Variants in SHC4 observed in about 807,000 individuals in gnomAD.
The protein encoded by SHC4 is SHC-transforming protein 4.
In SHC4, 41 loss-of-function variants were observed where a neutral mutation model predicts 69.4. The observed-to-expected ratio is 0.59, with a 90% confidence interval of 0.46 to 0.77. SHC4 has a LOEUF of 0.77. Ranked by LOEUF, SHC4 falls within the 30% of genes least tolerant of loss-of-function variation. The probability of loss-of-function intolerance (pLI) is 0.00; values close to 1 mark genes in which losing one functional copy is unlikely to be tolerated. For missense variants in SHC4, 777 were observed against 783.8 expected (o/e 0.99, Z 0.10); for synonymous variants, 318 against 299.3 (o/e 1.06, Z -0.64).
At chr15:48,949,286 G>T (rs529470206) in intron 1 of SHC4, among the ~76,000 whole-genome samples, 1 of 151,282 alleles carries the variant, frequency 6.6e-6, no homozygotes, top group Non-Finnish European at 1.5e-5. Flanking sequence ...CAGGAGACTG[G>T]CATTAATCCA....
chr15:48,858,406 C>T (rs1329732845), intron 6 of SHC4, among the ~76,000 whole-genome samples: 1 of 152,134 alleles, frequency 6.6e-6, no homozygotes, highest in African/African-American at 2.4e-5. Context: ...AAAAAAGTGT[C>T]TTCAATAAGC....
intron 3 of SHC4, among the ~76,000 whole-genome samples, chr15:48,889,779 G>A (rs965564617): frequency 1.3e-5 from 2 of 152,128 alleles, no homozygotes; most frequent in African/African-American, 4.8e-5. Context: ...GGGAGGCGGA[G>A]CTTGCAGTGA....
chr15:48,926,304 T>A (rs1419911285), intron 1 of SHC4, among the ~76,000 whole-genome samples: 1 of 152,100 alleles, frequency 6.6e-6, no homozygotes, highest in African/African-American at 2.4e-5. Flanking sequence ...TTGAAAGTGA[T>A]CTGTTGTCTC....
At chr15:48,950,021 T>C (rs1376455443) in intron 1 of SHC4, among the ~76,000 whole-genome samples, 2 of 141,996 alleles carry the variant, frequency 1.4e-5, no homozygotes, top group Non-Finnish European at 3.0e-5. Context: ...ATATTTATTA[T>C]TAATAAATAA....
chr15:48,926,213 TC>T (rs199876991), intron 1 of SHC4, among the ~76,000 whole-genome samples: 3,025 of 152,258 alleles, frequency 0.02, 35 homozygotes, highest in Non-Finnish European at 0.03. Context: ...GAGTCAATCC[TC>T]CCAGAAGAGC....
At chr15:48,910,038 T>C (rs538520363) in intron 2 of SHC4, among the ~76,000 whole-genome samples, 1 of 152,218 alleles carries the variant, frequency 6.6e-6, no homozygotes, top group African/African-American at 2.4e-5. Flanking sequence ...TGTCCTTTTC[T>C]GGTTTTGGTA....
chr15:48,852,462 T>C (rs1264555628), intron 8 of SHC4, among the ~76,000 whole-genome samples: 2 of 152,212 alleles, frequency 1.3e-5, no homozygotes, highest in African/African-American at 4.8e-5. Context: ...CATTGTATAA[T>C]TCTTTCAAAT....
intron 6 of SHC4, 135 bp from the exon 7 acceptor site, chr15:48,857,950 T>A: frequency 1.8e-6 from 1 of 566,464 alleles, no homozygotes; most frequent in Non-Finnish European, 2.6e-6. Context: ...TCTGCAGCCA[T>A]GAAATGATAT....
chr15:48,945,902 G>A (rs1901268334), intron 1 of SHC4: 1 of 152,058 alleles, frequency 6.6e-6, no homozygotes, highest in Admixed American at 6.6e-5. Flanking sequence ...ATAAACCATA[G>A]ATCTAGAAAA....
intron 2 of SHC4, among the ~76,000 whole-genome samples, chr15:48,911,333 T>A (rs549757772): frequency 6.6e-6 from 1 of 152,346 alleles, no homozygotes; most frequent in Non-Finnish European, 1.5e-5. Context: ...TCATTGTCTC[T>A]TTTACTGATG....
intron 11 of SHC4, among the ~76,000 whole-genome samples, chr15:48,827,200 G>A (rs1054211857): frequency 6.6e-6 from 1 of 152,152 alleles, no homozygotes; most frequent in Admixed American, 6.5e-5. Context: ...GATTCTTGGA[G>A]TTCTGTCTAG....
In SHC4 at chr15:48,867,856, T is replaced by A; in HGVS notation, c.908A>T (p.Tyr303Phe). The change falls in exon 6 of 12, where the codon TAT becomes TTT. Residue 303 changes from tyrosine to phenylalanine, a missense_variant. Tyr to Phe is a conservative substitution (Grantham distance 22). Transcript: ENST00000332408. ...ASGGDPDTTD[Y>F]VAYVAKDPVN... ...TGGATCTTTAGCTACGTAGGCAACA[T>A]AGTCTGTAGTATCCTATAAAAAAGG... is the stretch of plus-strand genomic sequence containing the variant. The A allele has an allele frequency of 6.2e-7, 1 of 1,613,334 alleles. No homozygotes were observed. The highest frequency in any genetic ancestry group is 8.5e-7 in the Non-Finnish European group (1 of 1,179,464).
At chr15:48,829,609 C>T (rs577153209) in intron 11 of SHC4, among the ~76,000 whole-genome samples, 1 of 152,272 alleles carries the variant, frequency 6.6e-6, no homozygotes, top group South Asian at 2.1e-4. Context: ...TTTCAACCTA[C>T]GTGTGTCCTT....
At chr15:48,897,782 CACAT>C (rs1054378260) in intron 2 of SHC4, among the ~76,000 whole-genome samples, 2 of 151,534 alleles carry the variant, frequency 1.3e-5, no homozygotes, top group Non-Finnish European at 1.5e-5. Context: ...CACACACACA[CACAT>C]CTATAGTCAC....
At chr15:48,829,816 G>T (rs1009942934) in intron 11 of SHC4, among the ~76,000 whole-genome samples, 1 of 152,216 alleles carries the variant, frequency 6.6e-6, no homozygotes, top group Non-Finnish European at 1.5e-5. Context: ...CTACTTGGGA[G>T]GCTGAGGCAG....
intron 1 of SHC4, chr15:48,947,937 G>A (rs1901303507): frequency 6.6e-6 from 1 of 152,130 alleles, no homozygotes; most frequent in Non-Finnish European, 1.5e-5. Context: ...GACAACAGTG[G>A]GAGAAACTCA....
At chr15:48,908,012 GA>G (rs1900441242) in intron 2 of SHC4, among the ~76,000 whole-genome samples, 1 of 152,112 alleles carries the variant, frequency 6.6e-6, no homozygotes, top group Non-Finnish European at 1.5e-5. Context: ...AGATAGAAGG[GA>G]AAGTTGAGGC....
intron 2 of SHC4, among the ~76,000 whole-genome samples, chr15:48,896,207 CCTTT>C (rs1394163786): frequency 1.3e-5 from 2 of 149,034 alleles, no homozygotes; most frequent in African/African-American, 2.5e-5. Flanking sequence ...TTTCTTTCTT[CCTTT>C]CTTTCTCTCT....
intron 4 of SHC4, among the ~76,000 whole-genome samples, chr15:48,882,745 G>A (rs541909786): frequency 6.6e-6 from 1 of 152,284 alleles, no homozygotes; most frequent in Admixed American, 6.5e-5. Context: ...CCTTTACTTA[G>A]TGAGATCTCA....
Sources: gnomAD v4.1 joint callset for allele counts (sites outside exome capture counted in the v4.1 genomes callset) on GRCh38, gnomAD v4.1.1 for gene constraint, MANE v1.5 for transcripts, NCBI Gene and HGNC (gene_info 2026-07-23, HGNC 2026-07-21) for gene names.